SULT1E1: variants seen among roughly 807,000 people sequenced by gnomAD.
SULT1E1 encodes sulfotransferase 1E1.
Under a neutral mutation model 33.6 loss-of-function variants are expected in SULT1E1, and 36 were observed. The ratio of observed to expected loss-of-function variants is 1.07; its 90% confidence interval spans 0.82 to 1.41. The LOEUF is 1.41. Ranked by LOEUF, SULT1E1 falls within the 40% of genes most tolerant of loss-of-function variation. The probability of loss-of-function intolerance (pLI) is 0.00; values close to 1 mark genes in which losing one functional copy is unlikely to be tolerated. For synonymous variants in SULT1E1, 121 were observed against 111.7 expected, an observed-to-expected ratio of 1.08 and a Z score of -0.53; for missense variants, 371 against 345.7, an observed-to-expected ratio of 1.07 and a Z score of -0.58.
intron 4 of SULT1E1, among the ~76,000 whole-genome samples, chr4:69,853,455 A>C (rs544763266): frequency 6.6e-6 from 1 of 152,100 alleles, no homozygotes; most frequent in Non-Finnish European, 1.5e-5. Context: ...TGTACACTTA[A>C]TCTTCCAGCC....
intron 7 of SULT1E1, among the ~76,000 whole-genome samples, chr4:69,842,743 C>T (rs2331821): frequency 0.27 from 41,479 of 152,046 alleles, 6,171 homozygotes; most frequent in South Asian, 0.43. Flanking sequence ...GAGTGTTTCT[C>T]ATCTGGGTAA....
the SULT1E1 span, among the ~76,000 whole-genome samples, chr4:69,821,443 GAC>G: frequency 6.6e-6 from 1 of 152,174 alleles, no homozygotes; most frequent in Non-Finnish European, 1.5e-5. Context: ...GCAACATTAA[GAC>G]ACAGATATGA....
In SULT1E1 at chr4:69,841,757, A is replaced by G. The variant is rs1720889927; in HGVS notation, c.*237T>C. 3.1e-6 allele frequency: 1 copy of G among 322,730 alleles called. No individual in the cohort carries two copies. The allele number at this position is 322,730 out of a possible 1,614,324, so 20.0% of individuals were successfully genotyped here. On this transcript the variant is annotated 3_prime_UTR_variant, in exon 8 of 8. Transcript: ENST00000226444. Reference sequence around the variant, plus strand: ...TTGGGAGGCTGAGATGGGAGGATCAATTGAGTCAAGGAGGTCAAGGCTGCA... The same window carrying G: ...TTGGGAGGCTGAGATGGGAGGATCAGTTGAGTCAAGGAGGTCAAGGCTGCA...
intron 3 of SULT1E1, 145 bp from the exon 4 acceptor site, chr4:69,854,459 G>A (rs1721196544): frequency 1.8e-6 from 1 of 542,484 alleles, no homozygotes; most frequent in Non-Finnish European, 3.1e-6. Context: ...AAATTCTTGA[G>A]GGAATGGACA....
chr4:69,852,736 C>G (rs761951519), intron 4 of SULT1E1, among the ~76,000 whole-genome samples: 5 of 152,086 alleles, frequency 3.3e-5, no homozygotes, highest in Non-Finnish European at 5.9e-5. Flanking sequence ...CCTGGAAATA[C>G]TCCAAACATG....
At chr4:69,857,382 A>G (rs1721263548) in intron 2 of SULT1E1, 118 bp downstream of exon 2, 1 of 1,296,778 alleles carries the variant, frequency 7.7e-7, no homozygotes, top group Non-Finnish European at 1.0e-6. Context: ...CCATATCAAA[A>G]CTACCGCATC....
rs183980082 is a variant in SULT1E1 at position 69,849,301 on chromosome 4, G to A, written c.496+136C>T. ...CAGTATGCTTGCTCTAAACCTCCAG[G>A]CGCCTTTAGATTTCTGTGTTTTAAC... is the stretch of plus-strand genomic sequence containing the variant. On this transcript the variant is annotated intron_variant, in intron 5 of 7. Coordinates refer to ENST00000226444, the MANE Select transcript of SULT1E1 (RefSeq NM_005420.3). The A allele has an allele frequency of 4.3e-3, 4,416 of 1,026,624 alleles. 15 individuals carry two copies. The highest frequency in any genetic ancestry group is 4.6e-3 in the Non-Finnish European group (3,325 of 723,432). 63.6% of individuals were successfully genotyped at this position (1,026,624 alleles called of 1,614,324 possible). A position where few individuals can be genotyped will look rare whatever the true frequency, so the allele number is the denominator to read the frequency against.
intron 6 of SULT1E1, among the ~76,000 whole-genome samples, chr4:69,845,198 G>A (rs2110066487): frequency 6.6e-6 from 1 of 152,028 alleles, no homozygotes; most frequent in Middle Eastern, 3.4e-3. Context: ...CAAAAATAGA[G>A]CTAGATAGAA....
downstream of SULT1E1, among the ~76,000 whole-genome samples, chr4:69,840,166 C>T (rs2110063680): frequency 6.6e-6 from 1 of 151,950 alleles, no homozygotes; most frequent in Middle Eastern, 3.4e-3. Flanking sequence ...TAATATTTTC[C>T]AAGACTCTCC....
chr4:69,853,252 T>G (rs1006519205), intron 4 of SULT1E1, among the ~76,000 whole-genome samples: 3 of 152,154 alleles, frequency 2.0e-5, no homozygotes, highest in African/African-American at 7.2e-5. Flanking sequence ...TCAGACTTCA[T>G]GTTTTCTCTG....
intron 1 of SULT1E1, among the ~76,000 whole-genome samples, chr4:69,859,270 C>A (rs1721316069): frequency 6.6e-6 from 1 of 152,030 alleles, no homozygotes; most frequent in Non-Finnish European, 1.5e-5. Context: ...TCTGCATACT[C>A]CCCTCCTGCA....
chr4:69,851,149 C>A (rs1721093636), intron 4 of SULT1E1, among the ~76,000 whole-genome samples: 1 of 152,110 alleles, frequency 6.6e-6, no homozygotes, highest in Admixed American at 6.6e-5. Context: ...TAAAGAGCTT[C>A]TGCACAGCAA....
At position 69,854,323 on chromosome 4, in the gene SULT1E1, T is replaced by A; in HGVS notation, c.272-9A>T. The A allele has an allele frequency of 1.9e-6, 3 of 1,587,430 alleles. No individual in the cohort carries two copies. The highest frequency in any genetic ancestry group is 2.6e-6 in the Non-Finnish European group (3 of 1,162,120). ...ATCTAATTGTTTTACTCCTGATTTT[T>A]AAAAAAGTAAAGGTTAAGCAACTTC... is the stretch of plus-strand genomic sequence containing the variant. On this transcript the variant is annotated splice_polypyrimidine_tract_variant and intron_variant, in intron 3 of 7. Transcript: ENST00000226444.
Position 69,851,776 on chromosome 4 carries a change from A to G in SULT1E1, c.370-2213T>C, listed in dbSNP as rs561844125. 5.3e-5 allele frequency among the ~76,000 whole-genome samples: 8 copies of G among 152,366 alleles called. No homozygotes were observed. In the South Asian group the frequency reaches 1.2e-3, roughly 24 times the overall value. Reference sequence around the variant, plus strand: ...TAAGAAAATGTGGCACATATACAGCATAGAATACTATGCAGCCATAAAAAA... The same window carrying G: ...TAAGAAAATGTGGCACATATACAGCGTAGAATACTATGCAGCCATAAAAAA... On this transcript the variant is annotated intron_variant, in intron 4 of 7. Coordinates refer to ENST00000226444, the MANE Select transcript of SULT1E1 (RefSeq NM_005420.3).
the SULT1E1 span, among the ~76,000 whole-genome samples, chr4:69,822,239 G>T: frequency 6.6e-6 from 1 of 152,094 alleles, no homozygotes; most frequent in South Asian, 2.1e-4. Flanking sequence ...AACTTTTAAG[G>T]TAGGTACTAT....
the SULT1E1 span, among the ~76,000 whole-genome samples, chr4:69,827,388 A>G: frequency 3.3e-5 from 5 of 152,172 alleles, no homozygotes; most frequent in Non-Finnish European, 7.3e-5. Context: ...GACTCAGATC[A>G]TGGGGACTGG....
At chr4:69,853,926 G>A (rs1721177885) in intron 4 of SULT1E1, among the ~76,000 whole-genome samples, 1 of 152,124 alleles carries the variant, frequency 6.6e-6, no homozygotes, top group Non-Finnish European at 1.5e-5. Flanking sequence ...GCATTATCAT[G>A]TAATCCTTAT....
intron 7 of SULT1E1, among the ~76,000 whole-genome samples, chr4:69,842,871 C>G (rs1286128997): frequency 6.7e-6 from 1 of 150,084 alleles, no homozygotes; most frequent in African/African-American, 2.5e-5. Context: ...GAGTCTCGCT[C>G]TGTCACCCAG....
chr4:69,855,475 A>C, intron 2 of SULT1E1, 49 bp from the exon 3 acceptor site: 13 of 1,568,786 alleles, frequency 8.3e-6, no homozygotes, highest in Non-Finnish European at 1.1e-5. Context: ...TGTAGAGTTG[A>C]TGACATTAGT....
Sources: allele counts gnomAD v4.1 joint callset (sites outside exome capture counted in the v4.1 genomes callset), GRCh38; gene constraint gnomAD v4.1.1; transcripts MANE v1.5; gene names NCBI Gene and HGNC (gene_info 2026-07-23, HGNC 2026-07-21).